Variants in WDR7 observed in about 807,000 individuals in gnomAD.
WDR7 encodes WD repeat-containing protein 7.
Under a neutral mutation model 169.4 loss-of-function variants are expected in WDR7, and 46 were observed. The ratio of observed to expected loss-of-function variants is 0.27; its 90% confidence interval spans 0.21 to 0.35. The LOEUF (loss-of-function observed/expected upper bound fraction) is 0.35, where lower values mean the gene tolerates loss of function less well. Among genes scored for constraint, WDR7 ranks in the 10% least tolerant of loss-of-function variants. The pLI, the probability that WDR7 is intolerant of heterozygous loss-of-function variation, is 1.00. For missense variants in WDR7, 1,534 were observed against 1,859.3 expected, an observed-to-expected ratio of 0.83 and a Z score of 3.22; for synonymous variants, 612 against 666.8, an observed-to-expected ratio of 0.92 and a Z score of 1.27.
In WDR7 at chr18:56,674,099, A is replaced by T. The variant is rs548655088; in HGVS notation, c.159+1425A>T. On this transcript the variant is annotated intron_variant, in intron 2 of 27. Transcript: ENST00000254442. ...TATGAGTATTACACATTTGTGTATGAGTTTTTGTGTGGACACATGATTTCA... is the reference window on the plus strand; with the variant it reads ...TATGAGTATTACACATTTGTGTATGTGTTTTTGTGTGGACACATGATTTCA... 2.6e-5 allele frequency among the ~76,000 whole-genome samples: 4 copies of T among 152,168 alleles called. No homozygotes were observed. The East Asian group carries it at 7.7e-4, about 29-fold the overall frequency.
At chr18:56,787,897 T>C (rs763199541) in intron 19 of WDR7, among the ~76,000 whole-genome samples, 6 of 152,158 alleles carry the variant, frequency 3.9e-5, no homozygotes, top group Non-Finnish European at 5.9e-5. Flanking sequence ...TAGGCCGATA[T>C]TTTTAGGGTT....
At chr18:56,803,944 C>T (rs150416625) in intron 19 of WDR7, among the ~76,000 whole-genome samples, 204 of 152,280 alleles carry the variant, frequency 1.3e-3, no homozygotes, top group African/African-American at 4.6e-3. Flanking sequence ...TACAGGTGTG[C>T]ACCACTGTGC....
intron 20 of WDR7, among the ~76,000 whole-genome samples, chr18:56,864,158 T>C (rs767776589): frequency 7.9e-5 from 12 of 151,804 alleles, no homozygotes; most frequent in African/African-American, 1.2e-4. Context: ...AATGGACTTA[T>C]GATAATTAGA....
intron 20 of WDR7, among the ~76,000 whole-genome samples, chr18:56,865,680 G>C (rs545857258): frequency 1.3e-5 from 2 of 152,064 alleles, no homozygotes; most frequent in South Asian, 4.1e-4. Context: ...TCTGTGGAAG[G>C]CATGCTGATT....
At chr18:56,763,625 A>T (rs1037389832) in intron 16 of WDR7, among the ~76,000 whole-genome samples, 2 of 152,226 alleles carry the variant, frequency 1.3e-5, no homozygotes, top group Non-Finnish European at 2.9e-5. Context: ...ATTAGGAAGT[A>T]GCCCCTTTCC....
At chr18:56,699,861 G>A in intron 12 of WDR7, 7 of 985,408 alleles carry the variant, frequency 7.1e-6, no homozygotes, top group Non-Finnish European at 8.4e-6. Context: ...AGTTGGAGAT[G>A]AGCTCTGAAG....
intron 26 of WDR7, among the ~76,000 whole-genome samples, chr18:57,016,403 A>G (rs1213767668): frequency 6.6e-6 from 1 of 152,226 alleles, no homozygotes; most frequent in East Asian, 1.9e-4. Context: ...TTATGTTAAG[A>G]AAATGGTTTA....
chr18:56,908,908 G>A (rs149934178), intron 21 of WDR7, among the ~76,000 whole-genome samples: 1 of 152,060 alleles, frequency 6.6e-6, no homozygotes, highest in Non-Finnish European at 1.5e-5. Context: ...GTTTTCCTTT[G>A]TAAAAAATAG....
chr18:56,924,416 A>G (rs1449730572), intron 22 of WDR7, among the ~76,000 whole-genome samples: 1 of 152,140 alleles, frequency 6.6e-6, no homozygotes. Flanking sequence ...AAAATGATAT[A>G]TATATTAAAT....
At chr18:57,022,620 T>C (rs1262913847) in intron 27 of WDR7, among the ~76,000 whole-genome samples, 1 of 152,244 alleles carries the variant, frequency 6.6e-6, no homozygotes, top group East Asian at 1.9e-4. Context: ...AATGAAATTT[T>C]CTAAATGTTA....
At chr18:56,969,144 T>C (rs1004968671) in intron 26 of WDR7, among the ~76,000 whole-genome samples, 1 of 152,224 alleles carries the variant, frequency 6.6e-6, no homozygotes, top group Admixed American at 6.5e-5. Flanking sequence ...ACAATCTCTC[T>C]AGCCCATACT....
rs1332125900 is a variant in WDR7 at position 56,757,606 on chromosome 18, TAG to T, written c.2759+256_2759+257del. ...ATTTGGAATGAGGGAGTTGGTCATA[TAG>T]ACTAGCTCTTGTAAATATAATTATA... On this transcript the variant is annotated intron_variant, in intron 15 of 27. Transcript: ENST00000254442. Among the ~76,000 whole-genome samples, 7 of 152,284 alleles carry T rather than the reference TAG, an allele frequency of 4.6e-5. No individual in the cohort carries two copies. In the East Asian group the frequency reaches 1.4e-3, roughly 29 times the overall value.
rs144724979 is a variant in WDR7 at position 57,006,652 on chromosome 18, T to C, written c.4165-14093T>C. Among the ~76,000 whole-genome samples, 4 of 152,290 alleles carry C rather than the reference T, an allele frequency of 2.6e-5. No homozygotes were observed. In the East Asian group the frequency reaches 7.7e-4, roughly 29 times the overall value. On this transcript the variant is annotated intron_variant, in intron 26 of 27. Transcript: ENST00000254442. Reference sequence around the variant, plus strand: ...TCACTTTCCCTTTCATTCAGGTAAATTACCTTTGGCCAAACTATAGGGAAT... The same window carrying C: ...TCACTTTCCCTTTCATTCAGGTAAACTACCTTTGGCCAAACTATAGGGAAT...
intron 21 of WDR7, among the ~76,000 whole-genome samples, chr18:56,896,579 C>A (rs2046335181): frequency 6.6e-6 from 1 of 151,682 alleles, no homozygotes; most frequent in South Asian, 2.1e-4. Context: ...CATTGTAGAT[C>A]AGTGAAATAA....
intron 19 of WDR7, among the ~76,000 whole-genome samples, chr18:56,787,369 G>T (rs550222310): frequency 6.6e-6 from 1 of 152,280 alleles, no homozygotes; most frequent in Admixed American, 6.5e-5. Context: ...ACACATAAAA[G>T]TCACTACCAT....
At position 56,821,422 on chromosome 18, in the gene WDR7, T is replaced by G. The variant is rs145883013; in HGVS notation, c.3304+5278T>G. On this transcript the variant is annotated intron_variant, in intron 20 of 27. Transcript: ENST00000254442. ...ACAGGGTCACATATGTACCAGGTAA[T>G]AGATCTGGGATTAAAGTGAGTCCTA... Among the ~76,000 whole-genome samples, 404 of 152,262 alleles carry G rather than the reference T, an allele frequency of 2.7e-3. 2 individuals are homozygous for G. Among genetic ancestry groups the G allele is most frequent in the African/African-American group, 9.5e-3 (393 of 41,546 alleles).
chr18:56,674,747 C>T (rs1359636222), intron 2 of WDR7, among the ~76,000 whole-genome samples: 3 of 152,058 alleles, frequency 2.0e-5, no homozygotes, highest in Non-Finnish European at 4.4e-5. Context: ...GTTGCTAAAT[C>T]TAAGGTCATG....
At chr18:56,721,433 AT>A (rs1469645704) in intron 13 of WDR7, 1 of 152,126 alleles carries the variant, frequency 6.6e-6, no homozygotes, top group African/African-American at 2.4e-5. Context: ...TTATTGTGAC[AT>A]TTTCTTATAT....
intron 20 of WDR7, among the ~76,000 whole-genome samples, chr18:56,862,080 G>T (rs73958374): frequency 0.057 from 8,600 of 151,894 alleles, 861 homozygotes; most frequent in African/African-American, 0.2. Context: ...CTAAGTATAC[G>T]TAGTAGATGA....
Sources: gnomAD v4.1 joint callset for allele counts (sites outside exome capture counted in the v4.1 genomes callset) on GRCh38, gnomAD v4.1.1 for gene constraint, MANE v1.5 for transcripts, NCBI Gene and HGNC (gene_info 2026-07-23, HGNC 2026-07-21) for gene names.